The following CD96 variants were observed in gnomAD, a reference collection of about 807,000 sequenced individuals.
The protein encoded by CD96 is CD96 molecule.
Under a neutral mutation model 71.3 loss-of-function variants are expected in CD96, and 70 were observed. The observed-to-expected ratio is 0.98, with a 90% CI of 0.81 to 1.20. The LOEUF (loss-of-function observed/expected upper bound fraction) is 1.20, where lower values mean the gene tolerates loss of function less well. CD96 is among the 50% of genes most tolerant of loss of function. The pLI is 0.00. For synonymous variants in CD96, 248 were observed against 233.0 expected (o/e 1.06, Z -0.59); for missense variants, 742 against 677.5 (o/e 1.10, Z -1.06).
At chr3:111,662,151 G>T (rs79637717) in intron 14 of CD96, among the ~76,000 whole-genome samples, 1 of 152,242 alleles carries the variant, frequency 6.6e-6, no homozygotes, top group Non-Finnish European at 1.5e-5. Context: ...AGCCTGAGCT[G>T]TAACTGAGCC....
chr3:111,587,754 A>C (rs372392308), intron 5 of CD96, among the ~76,000 whole-genome samples: 1 of 152,178 alleles, frequency 6.6e-6, no homozygotes, highest in African/African-American at 2.4e-5. Context: ...ACTTCTGTGC[A>C]CCTACAGGCT....
In CD96 at chr3:111,652,310, T is replaced by G. The variant is rs1469990081; in HGVS notation, c.*2504T>G. ...TAGCTTCATATGTATGGCTGTTGCT[T>G]TGCTTCATGTGTATGGCTATTTGTA... On this transcript the variant is annotated 3_prime_UTR_variant, in exon 14 of 14. Transcript: ENST00000352690. 1 of 152,176 alleles carries G rather than the reference T, an allele frequency of 6.6e-6. No individual in the cohort carries two copies. The highest frequency in any genetic ancestry group is 6.5e-5 in the Admixed American group (1 of 15,278). The allele number at this position is 152,176 out of a possible 1,614,324, so 9.4% of individuals were successfully genotyped here.
intron 8 of CD96, among the ~76,000 whole-genome samples, chr3:111,619,988 C>A (rs946020615): frequency 6.6e-6 from 1 of 152,224 alleles, no homozygotes; most frequent in African/African-American, 2.4e-5. Context: ...GGAAAAAACA[C>A]CCCTGAGGGC....
At chr3:111,588,954 C>CTTTTTTTTTT (rs772858162) in intron 5 of CD96, among the ~76,000 whole-genome samples, 59 of 136,226 alleles carry the variant, frequency 4.3e-4, no homozygotes, top group Non-Finnish European at 6.4e-4. Context: ...CTTTTTTTTT[C>CTTTTTTTTTT]TTTTTTTTTT....
intron 12 of CD96, among the ~76,000 whole-genome samples, chr3:111,643,288 A>C (rs552506658): frequency 6.6e-5 from 10 of 152,286 alleles, no homozygotes; most frequent in African/African-American, 2.4e-4. Flanking sequence ...ACATCCCTTT[A>C]TGATTAAAAC....
chr3:111,644,431 G>T (rs1365971982), intron 12 of CD96, among the ~76,000 whole-genome samples: 1 of 151,876 alleles, frequency 6.6e-6, no homozygotes, highest in African/African-American at 2.4e-5. Flanking sequence ...AACCCAAAAA[G>T]AAATGCAATA....
At chr3:111,573,540 G>C (rs1936085040) in intron 3 of CD96, among the ~76,000 whole-genome samples, 1 of 152,124 alleles carries the variant, frequency 6.6e-6, no homozygotes, top group Admixed American at 6.5e-5. Flanking sequence ...GGACCTTTAA[G>C]TACAAATTGG....
At chr3:111,572,213 A>G (rs966916367) in intron 3 of CD96, among the ~76,000 whole-genome samples, 1 of 152,208 alleles carries the variant, frequency 6.6e-6, no homozygotes, top group Non-Finnish European at 1.5e-5. Flanking sequence ...ACCCTTCATG[A>G]ATAATCATAT....
At chr3:111,643,200 T>C (rs1174614021) in intron 12 of CD96, among the ~76,000 whole-genome samples, 3 of 151,430 alleles carry the variant, frequency 2.0e-5, no homozygotes, top group Admixed American at 6.6e-5. Flanking sequence ...ATAAATGTGA[T>C]ACACCACATA....
chr3:111,552,941 T>C (rs142239964), intron 2 of CD96, among the ~76,000 whole-genome samples: 146 of 152,218 alleles, frequency 9.6e-4, no homozygotes, highest in Middle Eastern at 3.4e-3. Flanking sequence ...ATACTGAACA[T>C]ACAACTTCAA....
chr3:111,628,735 A>C (rs1324542367), intron 10 of CD96, among the ~76,000 whole-genome samples: 2 of 152,188 alleles, frequency 1.3e-5, no homozygotes, highest in African/African-American at 4.8e-5. Flanking sequence ...GTCAAAATGA[A>C]AGAAAAAAAT....
At chr3:111,637,848 AT>A (rs560096717) in intron 11 of CD96, among the ~76,000 whole-genome samples, 1,570 of 149,920 alleles carry the variant, frequency 0.01, 35 homozygotes, top group African/African-American at 0.036. Context: ...ACCAACAGGA[AT>A]TTTTTTTTCA....
intron 8 of CD96, among the ~76,000 whole-genome samples, chr3:111,618,773 G>C (rs529232934): frequency 4.0e-5 from 6 of 151,556 alleles, no homozygotes; most frequent in Non-Finnish European, 1.5e-5. Flanking sequence ...GGGTTTCACC[G>C]TGTTAGCCAG....
rs115792551 is a variant in CD96, at chr3:111,584,731, A to G, written c.752-592A>G. ...GGGAAAGACCAGCCCCCGTGATTCA[A>G]TTACCTCTCGCTGGGTCTCTTCCAC... On this transcript the variant is annotated intron_variant, in intron 4 of 13. Coordinates refer to ENST00000352690, the MANE Select transcript of CD96 (RefSeq NM_005816.5). Among the ~76,000 whole-genome samples the G allele has an allele frequency of 4.9e-3, 748 of 152,306 alleles. 3 individuals carry two copies. The highest frequency in any genetic ancestry group is 7.6e-3 in the Non-Finnish European group (517 of 68,016).
intron 14 of CD96, among the ~76,000 whole-genome samples, chr3:111,664,630 G>T (rs771275230): frequency 6.6e-6 from 1 of 152,050 alleles, no homozygotes; most frequent in Non-Finnish European, 1.5e-5. Context: ...CATGCAACTT[G>T]TACATGTACC....
At chr3:111,571,409 T>A (rs1420981595) in intron 3 of CD96, among the ~76,000 whole-genome samples, 1 of 152,008 alleles carries the variant, frequency 6.6e-6, no homozygotes, top group African/African-American at 2.4e-5. Flanking sequence ...GATTGTTTAA[T>A]GAGTGGCAGC....
chr3:111,661,270 C>G (rs1940347812), intron 14 of CD96, among the ~76,000 whole-genome samples: 2 of 152,190 alleles, frequency 1.3e-5, no homozygotes, highest in African/African-American at 4.8e-5. Context: ...CACCAAGCCC[C>G]TCTCCCAACA....
At chr3:111,552,623 T>G (rs1934774267) in intron 2 of CD96, among the ~76,000 whole-genome samples, 1 of 147,022 alleles carries the variant, frequency 6.8e-6, no homozygotes, top group South Asian at 2.1e-4. Flanking sequence ...TCACAGAGAA[T>G]ATGTAAATGA....
intron 8 of CD96, among the ~76,000 whole-genome samples, chr3:111,612,561 T>G (rs1165239876): frequency 6.6e-6 from 1 of 152,222 alleles, no homozygotes; most frequent in Non-Finnish European, 1.5e-5. Flanking sequence ...TTAGGTACTA[T>G]TATTATCCCA....
Sources: gnomAD v4.1 joint callset for allele counts (sites outside exome capture counted in the v4.1 genomes callset) on GRCh38, gnomAD v4.1.1 for gene constraint, MANE v1.5 for transcripts, NCBI Gene and HGNC (gene_info 2026-07-23, HGNC 2026-07-21) for gene names.